IMPG1: variants seen among roughly 807,000 people sequenced by gnomAD.
IMPG1 encodes interphotoreceptor matrix proteoglycan of 150 kDa.
IMPG1 carries 85 observed loss-of-function variants against 92.0 expected under a neutral mutation model. The observed-to-expected ratio is 0.92, with a 90% confidence interval of 0.78 to 1.11. The LOEUF (loss-of-function observed/expected upper bound fraction) is 1.11. Among genes scored for constraint, IMPG1 ranks in the 50% least tolerant of loss-of-function variants. The pLI, the probability that IMPG1 is intolerant of heterozygous loss-of-function variation, is 0.00. For synonymous variants in IMPG1, 367 were observed against 334.1 expected (o/e 1.10, Z -1.08); for missense variants, 1,022 against 956.0 (o/e 1.07, Z -0.91).
chr6:75,951,222 C>A, intron 12 of IMPG1, 128 bp from the exon 13 acceptor site: 3 of 646,912 alleles, frequency 4.6e-6, no homozygotes, highest in South Asian at 2.2e-5. Context: ...TTTCAATAGT[C>A]ATTTTTTTTT....
At chr6:75,949,593 T>C (rs1781989613) in intron 13 of IMPG1, among the ~76,000 whole-genome samples, 1 of 152,228 alleles carries the variant, frequency 6.6e-6, no homozygotes, top group South Asian at 2.1e-4. Flanking sequence ...CACTTTGCAC[T>C]GTGGACTTGC....
At chr6:75,974,405 C>T (rs9350611) in intron 12 of IMPG1, among the ~76,000 whole-genome samples, 4,827 of 73,588 alleles carry the variant, frequency 0.066, 152 homozygotes, top group East Asian at 0.1. Context: ...TCTTTCTTTC[C>T]TTCCTTCCTT....
At chr6:76,033,452 A>G (rs2787847) in intron 4 of IMPG1, among the ~76,000 whole-genome samples, 151,599 of 152,314 alleles carry the variant, frequency 1, 75,445 homozygotes, top group East Asian at 1. Flanking sequence ...ATTGAACAAG[A>G]CTCAATGTAA....
chr6:75,938,906 T>A (rs1781793646), intron 14 of IMPG1, among the ~76,000 whole-genome samples: 1 of 152,202 alleles, frequency 6.6e-6, no homozygotes, highest in African/African-American at 2.4e-5. Flanking sequence ...ACTAAACTTT[T>A]TTTTTCCCCA....
intron 12 of IMPG1, among the ~76,000 whole-genome samples, chr6:75,972,146 C>G (rs774733112): frequency 2.0e-5 from 3 of 152,234 alleles, no homozygotes; most frequent in Non-Finnish European, 4.4e-5. Context: ...TTGTTGCAAG[C>G]AGATGAATTC....
At chr6:76,000,486 T>C (rs1039408483) in intron 12 of IMPG1, among the ~76,000 whole-genome samples, 65 of 152,336 alleles carry the variant, frequency 4.3e-4, no homozygotes, top group African/African-American at 1.6e-3. Flanking sequence ...TGTAAATCGC[T>C]ATAAATCTTT....
At chr6:76,015,881 C>A (rs1374260689) in intron 7 of IMPG1, among the ~76,000 whole-genome samples, 4 of 148,834 alleles carry the variant, frequency 2.7e-5, no homozygotes, top group African/African-American at 9.9e-5. Context: ...TCCCTTCCCA[C>A]AAACATTTAT....
At chr6:76,003,984 C>A in intron 10 of IMPG1, 34 bp from the exon 11 acceptor site, 3 of 1,531,382 alleles carry the variant, frequency 2.0e-6, no homozygotes, top group Non-Finnish European at 2.7e-6. Context: ...TTGAATGTAT[C>A]TTTCCTTTTT....
intron 1 of IMPG1, among the ~76,000 whole-genome samples, chr6:76,042,692 G>A (rs920310789): frequency 4.6e-5 from 7 of 152,118 alleles, no homozygotes; most frequent in African/African-American, 1.7e-4. Context: ...TATAGTACAA[G>A]CTTTGCCGTT....
intron 12 of IMPG1, among the ~76,000 whole-genome samples, chr6:75,958,674 A>G (rs1391064244): frequency 6.6e-6 from 1 of 151,858 alleles, no homozygotes; most frequent in Non-Finnish European, 1.5e-5. Flanking sequence ...CGATTCGCCC[A>G]TTAATGTGTA....
intron 4 of IMPG1, among the ~76,000 whole-genome samples, chr6:76,026,958 T>C (rs1783551316): frequency 6.6e-6 from 1 of 152,240 alleles, no homozygotes; most frequent in Admixed American, 6.5e-5. Context: ...AATCTGTCTC[T>C]TAAATAGCCC....
intron 12 of IMPG1, among the ~76,000 whole-genome samples, chr6:75,952,804 T>C (rs1215115037): frequency 6.6e-6 from 1 of 152,132 alleles, no homozygotes; most frequent in African/African-American, 2.4e-5. Flanking sequence ...CTTTCTGCCA[T>C]GTGAGAATAT....
chr6:76,052,396 T>C (rs1354829095), intron 1 of IMPG1, among the ~76,000 whole-genome samples: 5 of 152,216 alleles, frequency 3.3e-5, no homozygotes, highest in African/African-American at 1.2e-4. Context: ...CAAGAAAAGA[T>C]AGTACACACT....
At chr6:76,059,771 A>T (rs1784174687) in intron 1 of IMPG1, among the ~76,000 whole-genome samples, 1 of 152,214 alleles carries the variant, frequency 6.6e-6, no homozygotes, top group African/African-American at 2.4e-5. Flanking sequence ...AACGCAAATT[A>T]GTTTGAACTT....
At chr6:76,003,731 T>C (rs1022250751) in intron 11 of IMPG1, 143 bp downstream of exon 11, 6 of 627,436 alleles carry the variant, frequency 9.6e-6, no homozygotes, top group African/African-American at 3.8e-5. Context: ...GTTAAGCAAG[T>C]GCTGCTTGTA....
At chr6:76,043,535 A>G (rs903406430) in intron 1 of IMPG1, among the ~76,000 whole-genome samples, 6 of 152,136 alleles carry the variant, frequency 3.9e-5, no homozygotes, top group Non-Finnish European at 7.3e-5. Context: ...GGAAGGGAGG[A>G]AATTTATAGA....
At chr6:76,010,832 C>T (rs901563520) in intron 8 of IMPG1, among the ~76,000 whole-genome samples, 2 of 152,176 alleles carry the variant, frequency 1.3e-5, no homozygotes, top group African/African-American at 4.8e-5. Flanking sequence ...CAATTAATGT[C>T]TACCTTTTTT....
chr6:76,044,534 T>A (rs1783902325), intron 1 of IMPG1, among the ~76,000 whole-genome samples: 1 of 152,202 alleles, frequency 6.6e-6, no homozygotes, highest in African/African-American at 2.4e-5. Flanking sequence ...GCTGGTCCTG[T>A]TCTTACTGCC....
chr6:76,069,529 A>T (rs1448569594), intron 1 of IMPG1, among the ~76,000 whole-genome samples: 1 of 152,116 alleles, frequency 6.6e-6, no homozygotes. Flanking sequence ...ACTCAACAGA[A>T]AATACTAAAT....
Sources: gnomAD v4.1 joint callset for allele counts (sites outside exome capture counted in the v4.1 genomes callset) on GRCh38, gnomAD v4.1.1 for gene constraint, MANE v1.5 for transcripts, NCBI Gene and HGNC (gene_info 2026-07-23, HGNC 2026-07-21) for gene names.